The following CALCR variants were observed in gnomAD, a reference collection of about 807,000 sequenced individuals.
CALCR encodes the protein calcitonin receptor.
In CALCR, 47 loss-of-function variants were observed where a neutral mutation model predicts 59.5. The ratio of observed to expected loss-of-function variants is 0.79; its 90% CI spans 0.63 to 1.01. The LOEUF (loss-of-function observed/expected upper bound fraction) is 1.01. Ranked by LOEUF, CALCR falls within the 50% of genes least tolerant of loss-of-function variation. The probability of loss-of-function intolerance (pLI) is 0.00; values close to 1 mark genes in which losing one functional copy is unlikely to be tolerated. For missense variants in CALCR, 566 were observed against 597.1 expected (o/e 0.95, Z 0.54); for synonymous variants, 213 against 211.3 (o/e 1.01, Z -0.07).
intron 2 of CALCR, among the ~76,000 whole-genome samples, chr7:93,511,921 C>A (rs906106078): frequency 3.9e-5 from 6 of 152,094 alleles, no homozygotes; most frequent in Admixed American, 3.9e-4. Context: ...GGTAGGCATG[C>A]GCTATGGGCA....
chr7:93,466,497 A>C (rs1186585710), intron 7 of CALCR, among the ~76,000 whole-genome samples: 1 of 151,890 alleles, frequency 6.6e-6, no homozygotes, highest in Non-Finnish European at 1.5e-5. Flanking sequence ...AAACAAGTAT[A>C]AAAATTTTAT....
At chr7:93,568,303 C>A (rs191045186) in intron 2 of CALCR, among the ~76,000 whole-genome samples, 1 of 152,090 alleles carries the variant, frequency 6.6e-6, no homozygotes, top group Non-Finnish European at 1.5e-5. Flanking sequence ...GTAAGGCAGG[C>A]GTCTCAAACT....
At position 93,573,312 on chromosome 7, in the gene CALCR, C is replaced by G. The variant is rs118172164; in HGVS notation, c.-27+977G>C. 7.8e-3 allele frequency among the ~76,000 whole-genome samples: 1,191 copies of G among 152,272 alleles called. 7 individuals carry two copies. Among genetic ancestry groups the G allele is most frequent in the Non-Finnish European group, 0.013 (861 of 68,006 alleles). ...TTTAAGACAGACTTAAACTCGGACG[C>G]TCTGTAATTTAAAGATTAGCTTTAA... is the stretch of plus-strand genomic sequence containing the variant. On this transcript the variant is annotated intron_variant, in intron 2 of 13. Coordinates refer to ENST00000426151, the MANE Select transcript of CALCR (RefSeq NM_001742.4).
At chr7:93,451,685 G>A (rs995221176) in intron 8 of CALCR, among the ~76,000 whole-genome samples, 5 of 151,944 alleles carry the variant, frequency 3.3e-5, no homozygotes, top group Admixed American at 2.0e-4. Context: ...TTGAGACTCT[G>A]ATTCAGAAGT....
intron 3 of CALCR, among the ~76,000 whole-genome samples, chr7:93,480,878 A>T (rs1800780478): frequency 6.6e-6 from 1 of 151,904 alleles, no homozygotes; most frequent in Admixed American, 6.6e-5. Context: ...TGGAGGTTGG[A>T]AATGACATGC....
At chr7:93,535,501 A>G (rs548581377) in intron 2 of CALCR, among the ~76,000 whole-genome samples, 1 of 151,878 alleles carries the variant, frequency 6.6e-6, no homozygotes, top group South Asian at 2.1e-4. Flanking sequence ...TGTATGCTAA[A>G]GTCTTATGAA....
intron 2 of CALCR, among the ~76,000 whole-genome samples, chr7:93,554,272 G>A (rs1313169958): frequency 1.3e-5 from 2 of 152,090 alleles, no homozygotes; most frequent in Non-Finnish European, 2.9e-5. Flanking sequence ...TCTATTACAA[G>A]TCATGTGTTA....
At chr7:93,526,571 G>A (rs73711695) in intron 2 of CALCR, among the ~76,000 whole-genome samples, 2,596 of 152,110 alleles carry the variant, frequency 0.017, 81 homozygotes, top group African/African-American at 0.058. Context: ...TTATTTAAGT[G>A]TGGTCATAAA....
intron 9 of CALCR, among the ~76,000 whole-genome samples, chr7:93,440,792 A>G (rs370987949): frequency 5.3e-5 from 8 of 152,126 alleles, no homozygotes; most frequent in African/African-American, 1.9e-4. Context: ...ACAATGTTGT[A>G]CAGCAGATAC....
intron 2 of CALCR, among the ~76,000 whole-genome samples, chr7:93,569,081 T>TC (rs957861506): frequency 1.3e-5 from 2 of 151,960 alleles, no homozygotes; most frequent in African/African-American, 2.4e-5. Flanking sequence ...AATTTCGTTT[T>TC]TTTTTCTTTT....
chr7:93,466,467 A>G (rs1429955288), intron 7 of CALCR, among the ~76,000 whole-genome samples: 1 of 152,048 alleles, frequency 6.6e-6, no homozygotes, highest in South Asian at 2.1e-4. Flanking sequence ...TAGTTTGGGT[A>G]AGGTTTAAGA....
intron 9 of CALCR, among the ~76,000 whole-genome samples, chr7:93,442,131 C>T (rs1370356660): frequency 1.3e-5 from 2 of 152,098 alleles, no homozygotes; most frequent in African/African-American, 2.4e-5. Context: ...AAAACAAAGA[C>T]AAAAGGCAGA....
chr7:93,530,591 A>G (rs961596533), intron 2 of CALCR, among the ~76,000 whole-genome samples: 6 of 152,136 alleles, frequency 3.9e-5, no homozygotes, highest in Admixed American at 1.3e-4. Context: ...GCAAGGTTTC[A>G]GAGAGCACAG....
chr7:93,531,678 T>G (rs1487462494), intron 2 of CALCR, among the ~76,000 whole-genome samples: 1 of 152,132 alleles, frequency 6.6e-6, no homozygotes, highest in African/African-American at 2.4e-5. Flanking sequence ...TTTAATTGTG[T>G]TCATCCTTAT....
chr7:93,535,917 A>T (rs1174634936), intron 2 of CALCR, among the ~76,000 whole-genome samples: 2 of 151,788 alleles, frequency 1.3e-5, no homozygotes, highest in Non-Finnish European at 3.0e-5. Flanking sequence ...TTAAAACAGA[A>T]TTTTCAATTT....
intron 2 of CALCR, among the ~76,000 whole-genome samples, chr7:93,492,899 T>C (rs1471917255): frequency 6.6e-6 from 1 of 151,246 alleles, no homozygotes; most frequent in Non-Finnish European, 1.5e-5. Context: ...AAACAACATA[T>C]GGATCTAGGA....
intron 8 of CALCR, among the ~76,000 whole-genome samples, chr7:93,449,317 T>C (rs1376400130): frequency 1.3e-5 from 2 of 152,064 alleles, no homozygotes; most frequent in African/African-American, 2.4e-5. Flanking sequence ...CTAAATATTT[T>C]ACCTGAAGGA....
chr7:93,561,532 G>T (rs2374645), intron 2 of CALCR, among the ~76,000 whole-genome samples: 151,269 of 152,232 alleles, frequency 0.99, 75,162 homozygotes, highest in East Asian at 1. Context: ...ATTTATAATT[G>T]TTAATTAAAA....
intron 2 of CALCR, among the ~76,000 whole-genome samples, chr7:93,500,749 C>T (rs1801304734): frequency 6.6e-6 from 1 of 151,966 alleles, no homozygotes; most frequent in African/African-American, 2.4e-5. Context: ...GAGCTATCCT[C>T]ATGCACCCCC....
Sources: gnomAD v4.1 joint callset for allele counts (sites outside exome capture counted in the v4.1 genomes callset) on GRCh38, gnomAD v4.1.1 for gene constraint, MANE v1.5 for transcripts, NCBI Gene and HGNC (gene_info 2026-07-23, HGNC 2026-07-21) for gene names.